Variants in PLXNC1 observed in about 807,000 individuals in gnomAD.
PLXNC1 encodes the protein plexin C1, also known as plexin-C1.
Under a neutral mutation model 178.2 loss-of-function variants are expected in PLXNC1, and 75 were observed. That is an observed-to-expected ratio of 0.42 (90% CI 0.35 to 0.51). The LOEUF (loss-of-function observed/expected upper bound fraction) is 0.51, where lower values mean the gene tolerates loss of function less well. Among genes scored for constraint, PLXNC1 ranks in the 20% least tolerant of loss-of-function variants. The probability of loss-of-function intolerance (pLI) is 0.02; values close to 1 mark genes in which losing one functional copy is unlikely to be tolerated. For missense variants in PLXNC1, 1,503 were observed against 1,984.4 expected (o/e 0.76, Z 4.61); for synonymous variants, 790 against 779.9 (o/e 1.01, Z -0.22).
Position 94,150,139 on chromosome 12 carries a change from CG to C in PLXNC1, c.1062+109del, listed in dbSNP as rs970213405. Reference sequence around the variant, plus strand: ...GCGAGCGGCGGGGCGGGGGTACAGCCGGGTGACATTTACCAGGTCTCAGGTT... The same window carrying C: ...GCGAGCGGCGGGGCGGGGGTACAGCCGGTGACATTTACCAGGTCTCAGGTT... On this transcript the variant is annotated intron_variant, in intron 1 of 30. Transcript: ENST00000258526. 1.4e-4 allele frequency: 136 copies of C among 953,700 alleles called. No individual in the cohort carries two copies. In the African/African-American group the frequency reaches 2.2e-3, roughly 15 times the overall value. 59.1% of individuals were successfully genotyped at this position (953,700 alleles called of 1,614,324 possible).
intron 2 of PLXNC1, among the ~76,000 whole-genome samples, chr12:94,176,716 G>T (rs1962063127): frequency 6.6e-6 from 1 of 152,074 alleles, no homozygotes; most frequent in Non-Finnish European, 1.5e-5. Flanking sequence ...AGTTTCATGG[G>T]TATCTTTCCA....
chr12:94,233,193 C>T (rs999275553), intron 9 of PLXNC1, among the ~76,000 whole-genome samples: 3 of 152,134 alleles, frequency 2.0e-5, no homozygotes, highest in East Asian at 3.9e-4. Context: ...GAGTCAGACC[C>T]AGACACGGCT....
Position 94,172,202 on chromosome 12 carries a change from A to T in PLXNC1, c.1203+2909A>T, listed in dbSNP as rs144885819. 4.0e-3 allele frequency among the ~76,000 whole-genome samples: 611 copies of T among 152,266 alleles called. 2 individuals are homozygous for T. Among genetic ancestry groups the T allele is most frequent in the Middle Eastern group, 0.017 (5 of 294 alleles). ...GCGGCAAAAAACAAAACTCAACCCA[A>T]CGCAGACAGTAGGAGGAGGAGAAGA... is the stretch of plus-strand genomic sequence containing the variant. On this transcript the variant is annotated intron_variant, in intron 2 of 30. Coordinates refer to ENST00000258526, the MANE Select transcript of PLXNC1 (RefSeq NM_005761.3).
At chr12:94,300,668 T>C (rs1968377142) in intron 27 of PLXNC1, among the ~76,000 whole-genome samples, 1 of 152,088 alleles carries the variant, frequency 6.6e-6, no homozygotes, top group Non-Finnish European at 1.5e-5. Context: ...CTGGAGAAAA[T>C]TCTTGCCCAT....
chr12:94,177,527 G>GAGAAAGAAAGAAAGAGAA (rs1318473028), intron 2 of PLXNC1, among the ~76,000 whole-genome samples: 1 of 89,150 alleles, frequency 1.1e-5, no homozygotes, highest in African/African-American at 4.6e-5. Context: ...GAGAGAGAGG[G>GAGAAAGAAAGAAAGAGAA]AGAAAGAAAG....
chr12:94,241,227 G>C (rs904566172), intron 11 of PLXNC1, among the ~76,000 whole-genome samples: 1 of 151,908 alleles, frequency 6.6e-6, no homozygotes, highest in Non-Finnish European at 1.5e-5. Context: ...ATTTTCATGG[G>C]TACATAATAC....
chr12:94,204,706 C>T (rs2135994990), intron 4 of PLXNC1, among the ~76,000 whole-genome samples: 1 of 152,268 alleles, frequency 6.6e-6, no homozygotes, highest in South Asian at 2.1e-4. Context: ...CTGGAGACCA[C>T]CTCGCCCCTC....
At chr12:94,151,067 G>A (rs950663061) in intron 1 of PLXNC1, among the ~76,000 whole-genome samples, 5 of 152,182 alleles carry the variant, frequency 3.3e-5, no homozygotes, top group Non-Finnish European at 7.3e-5. Flanking sequence ...GCTCCTGAGA[G>A]GGGAGCCTGC....
At chr12:94,201,173 C>T (rs142394295) in intron 4 of PLXNC1, among the ~76,000 whole-genome samples, 1 of 152,294 alleles carries the variant, frequency 6.6e-6, no homozygotes, top group East Asian at 1.9e-4. Flanking sequence ...ATAGCTGGTA[C>T]TCAAGGTATG....
At position 94,186,358 on chromosome 12, in the gene PLXNC1, C is replaced by T. The variant is rs765730331; in HGVS notation, c.1339-15C>T. 5 of 1,573,894 alleles carry T rather than the reference C, an allele frequency of 3.2e-6. No individual in the cohort carries two copies. The Admixed American group carries it at 6.7e-5, about 21-fold the overall frequency. On this transcript the variant is annotated splice_polypyrimidine_tract_variant and intron_variant, in intron 3 of 30. Transcript: ENST00000258526. ...CTTATAATTCCATCTGAACCATTGTCCTCTTTCCTTTTAGGTGAGGAGAAT... is the reference window on the plus strand; with the variant it reads ...CTTATAATTCCATCTGAACCATTGTTCTCTTTCCTTTTAGGTGAGGAGAAT...
chr12:94,264,558 C>T (rs1031349620), intron 20 of PLXNC1, among the ~76,000 whole-genome samples: 1 of 152,194 alleles, frequency 6.6e-6, no homozygotes, highest in Admixed American at 6.5e-5. Flanking sequence ...AACTGTTGAA[C>T]GGCAGGCTGC....
chr12:94,176,559 A>T (rs975253484), intron 2 of PLXNC1, among the ~76,000 whole-genome samples: 1 of 152,090 alleles, frequency 6.6e-6, no homozygotes, highest in Non-Finnish European at 1.5e-5. Flanking sequence ...AAACAATTTG[A>T]CTCACTCACC....
Position 94,167,011 on chromosome 12 carries a change from C to T in PLXNC1, c.1063-2142C>T, listed in dbSNP as rs576083924. ...AACTCTTGGCCTCAAGCGATCCTCT[C>T]GCCTCAGTTACCTATACTACTGATC... On this transcript the variant is annotated intron_variant, in intron 1 of 30. Coordinates refer to ENST00000258526, the MANE Select transcript of PLXNC1 (RefSeq NM_005761.3). 3.3e-5 allele frequency among the ~76,000 whole-genome samples: 5 copies of T among 152,152 alleles called. No homozygotes were observed. The East Asian group carries it at 7.7e-4, about 24-fold the overall frequency.
intron 2 of PLXNC1, among the ~76,000 whole-genome samples, chr12:94,179,517 G>C (rs1187360435): frequency 6.6e-6 from 1 of 152,142 alleles, no homozygotes; most frequent in Non-Finnish European, 1.5e-5. Flanking sequence ...GAGGCGAGCG[G>C]ATCACCTCAG....
intron 1 of PLXNC1, among the ~76,000 whole-genome samples, chr12:94,162,238 G>A (rs2135930570): frequency 6.6e-6 from 1 of 152,286 alleles, no homozygotes; most frequent in South Asian, 2.1e-4. Context: ...ATTGAAAAGA[G>A]CCAGCCTACA....
Position 94,279,956 on chromosome 12 carries a change from T to C in PLXNC1, c.3775+307T>C, listed in dbSNP as rs1966313335. 8 of 475,524 alleles carry C rather than the reference T, an allele frequency of 1.7e-5. No individual in the cohort carries two copies. The East Asian group carries it at 3.1e-4, about 18-fold the overall frequency. 29.5% of individuals were successfully genotyped at this position (475,524 alleles called of 1,614,324 possible). ...TGAGACTGCACGGAATCACCTTGCA[T>C]CATGAAATACAGAAAGGTGTCAACA... On this transcript the variant is annotated intron_variant, in intron 22 of 30. Coordinates refer to ENST00000258526, the MANE Select transcript of PLXNC1 (RefSeq NM_005761.3).
intron 2 of PLXNC1, among the ~76,000 whole-genome samples, chr12:94,177,511 G>A (rs1962141080): frequency 6.8e-6 from 1 of 146,530 alleles, no homozygotes; most frequent in African/African-American, 2.6e-5. Context: ...AACAAAGAAA[G>A]AAAGAGAGAG....
chr12:94,200,830 G>T (rs1354806882), intron 4 of PLXNC1, among the ~76,000 whole-genome samples: 5 of 152,168 alleles, frequency 3.3e-5, no homozygotes, highest in Admixed American at 1.3e-4. Context: ...CCCATTTTGT[G>T]TGAGTGTTTC....
intron 2 of PLXNC1, among the ~76,000 whole-genome samples, chr12:94,172,040 C>T (rs1351546479): frequency 2.0e-5 from 3 of 152,168 alleles, no homozygotes; most frequent in African/African-American, 4.8e-5. Flanking sequence ...TGGAAACTAC[C>T]GATAATCCTC....
Sources: allele counts gnomAD v4.1 joint callset (sites outside exome capture counted in the v4.1 genomes callset), GRCh38; gene constraint gnomAD v4.1.1; transcripts MANE v1.5; gene names NCBI Gene and HGNC (gene_info 2026-07-23, HGNC 2026-07-21).